The following PNPLA7 variants were observed in gnomAD, a reference collection of about 807,000 sequenced individuals.
PNPLA7 encodes patatin-like phospholipase domain-containing protein 7.
A neutral mutation model predicts 161.7 loss-of-function variants in PNPLA7; 153 were observed. That is an observed-to-expected ratio of 0.95 (90% CI 0.83 to 1.08). The LOEUF is 1.08. Among genes scored for constraint, PNPLA7 ranks in the 50% least tolerant of loss-of-function variants. The pLI is 0.00. For missense variants in PNPLA7, 1,739 were observed against 1,856.6 expected (o/e 0.94, Z 1.16); for synonymous variants, 809 against 782.1 (o/e 1.03, Z -0.57).
At chr9:137,503,211 G>C (rs151014819) in intron 14 of PNPLA7, among the ~76,000 whole-genome samples, 7 of 151,772 alleles carry the variant, frequency 4.6e-5, no homozygotes, top group Non-Finnish European at 8.8e-5. Context: ...GCAAAACCCC[G>C]TCTACACTAA....
intron 13 of PNPLA7, 21 bp from the exon 14 acceptor site, chr9:137,505,781 C>T (rs750735757): frequency 1.9e-5 from 30 of 1,612,076 alleles, no homozygotes; most frequent in Admixed American, 5.0e-5. Flanking sequence ...ACGGAGATAC[C>T]GGCAATTCGA....
At chr9:137,491,743 A>G (rs1421992612) in intron 20 of PNPLA7, 7 of 985,314 alleles carry the variant, frequency 7.1e-6, no homozygotes, top group South Asian at 4.7e-5. Flanking sequence ...TCTTGGACAG[A>G]CGTTCAATGC....
In PNPLA7 at chr9:137,543,770, G is replaced by C. The variant is rs1252455877; in HGVS notation, c.319C>G (p.Arg107Gly). 1 of 1,613,760 alleles carries C rather than the reference G, an allele frequency of 6.2e-7. No individual in the cohort carries two copies. Among genetic ancestry groups the C allele is most frequent in the Non-Finnish European group, 8.5e-7 (1 of 1,179,924 alleles). The change falls in exon 5 of 35, where the codon CGG becomes GGG. Residue 107 changes from arginine to glycine, a missense_variant. Transcript: ENST00000406427. The surrounding 1 kb of genome is among the most constrained non-coding windows in gnomAD (Gnocchi z 6.9). ...NTLVENTALP[R>G]QRARKRTKVL... ...TTGGTCCTCTTCCTGGCCCGCTGCC[G>C]GGGCAGGGCAGTGTTCTCCACAAGG...
chr9:137,500,902 A>AC lies in PNPLA7; in HGVS notation c.1552-7dup. On this transcript the variant is annotated splice_polypyrimidine_tract_variant and splice_region_variant and intron_variant, in intron 15 of 34. Coordinates refer to ENST00000406427, the MANE Select transcript of PNPLA7 (RefSeq NM_001098537.3). This position sits in a 1 kb window ranked among gnomAD's most constrained non-coding sequence, Gnocchi z 5.5. ...ACGAACAGGATGCTGGCGTCCTGAC[A>AC]CACGAGAGGGCTCAGGAGGCGCCGC... 6.4e-7 allele frequency: 1 copy of AC among 1,560,858 alleles called. No individual in the cohort carries two copies. Among genetic ancestry groups the AC allele is most frequent in the Admixed American group, 1.9e-5 (1 of 52,216 alleles).
At chr9:137,494,442 TC>T (rs962094169) in intron 19 of PNPLA7, among the ~76,000 whole-genome samples, 6 of 152,036 alleles carry the variant, frequency 3.9e-5, no homozygotes, top group Non-Finnish European at 7.4e-5. Context: ...AATCTTCACC[TC>T]CTCCAGGTCG....
At chr9:137,492,672 T>G (rs1588590875) in intron 20 of PNPLA7, among the ~76,000 whole-genome samples, 1 of 42,124 alleles carries the variant, frequency 2.4e-5, no homozygotes, top group Non-Finnish European at 4.6e-5. Flanking sequence ...ATGGTCTGGG[T>G]GGGTGAGGCT....
chr9:137,530,819 C>A (rs1461894197), intron 8 of PNPLA7, among the ~76,000 whole-genome samples: 1 of 151,916 alleles, frequency 6.6e-6, no homozygotes, highest in Admixed American at 6.6e-5. Context: ...ACCAGGCTCA[C>A]GGCTGCTGCT....
chr9:137,528,791 C>T (rs1436258145), intron 8 of PNPLA7, among the ~76,000 whole-genome samples: 1 of 151,850 alleles, frequency 6.6e-6, no homozygotes, highest in Admixed American at 6.6e-5. Flanking sequence ...AACTCTGCCT[C>T]CCGGGTTCAC....
At chr9:137,521,488 A>G in intron 10 of PNPLA7, 148 bp downstream of exon 10, 1 of 708,872 alleles carries the variant, frequency 1.4e-6, no homozygotes, top group Admixed American at 3.1e-5. Flanking sequence ...AGCCCCTCCC[A>G]AAGTCCTAAT....
chr9:137,550,030 C>T (rs909355560), intron 1 of PNPLA7, 138 bp downstream of exon 1: 1 of 998,306 alleles, frequency 1.0e-6, no homozygotes, highest in Non-Finnish European at 1.6e-6. Context: ...CCAGATCCAC[C>T]ACTCCCACAG....
rs1833896924 is a variant in PNPLA7 at position 137,505,963 on chromosome 9, G to C, written c.1326+20C>G. ...GGGTGGGGCCCCAGGCGGAGGGTGA[G>C]AATGACAGCCAGGGCCTACCTTGCT... On this transcript the variant is annotated intron_variant, in intron 13 of 34. Coordinates refer to ENST00000406427, the MANE Select transcript of PNPLA7 (RefSeq NM_001098537.3). 3 of 1,596,498 alleles carry C rather than the reference G, an allele frequency of 1.9e-6. No homozygotes were observed. The highest frequency in any genetic ancestry group is 2.3e-5 in the East Asian group (1 of 44,284).
At chr9:137,493,984 GGAGAAGC>G (rs1564308187) in intron 19 of PNPLA7, among the ~76,000 whole-genome samples, 1 of 152,310 alleles carries the variant, frequency 6.6e-6, no homozygotes, top group Non-Finnish European at 1.5e-5. Context: ...GCTTTGAGTG[GGAGAAGC>G]GCTACCTGAG....
At chr9:137,507,975 T>G (rs1381247661) in intron 12 of PNPLA7, among the ~76,000 whole-genome samples, 1 of 152,008 alleles carries the variant, frequency 6.6e-6, no homozygotes, top group Non-Finnish European at 1.5e-5. Flanking sequence ...GAGGCAGCGC[T>G]TGAGGCCAGG....
At chr9:137,473,573 G>C (rs149858822) in intron 25 of PNPLA7, among the ~76,000 whole-genome samples, 1 of 152,112 alleles carries the variant, frequency 6.6e-6, no homozygotes, top group Non-Finnish European at 1.5e-5. Flanking sequence ...CAAAAGACTC[G>C]TGTTCAGAAT....
chr9:137,492,324 T>A (rs1228007290), intron 20 of PNPLA7: 1 of 984,714 alleles, frequency 1.0e-6, no homozygotes, highest in African/African-American at 1.8e-5. Context: ...CTTTTTCCAA[T>A]CAGCTGACAA....
rs1325578592 is a variant in PNPLA7 at position 137,461,565 on chromosome 9, A to G, written c.3812T>C (p.Ile1271Thr). ...FTDLAEIVSR[I>T]EPAKPAMVDD... Reference sequence around the variant, plus strand: ...CACCATGGCGGGCTTGGCGGGCTCAATGCGAGACACAATTTCGGCAAGGTC... The same window carrying G: ...CACCATGGCGGGCTTGGCGGGCTCAGTGCGAGACACAATTTCGGCAAGGTC... The change falls in exon 33 of 35, where the codon ATT becomes ACT. Residue 1271 changes from isoleucine (I) to threonine (T), a missense_variant. Transcript: ENST00000406427. 5.0e-6 allele frequency: 8 copies of G among 1,612,650 alleles called. No homozygotes were observed. Among genetic ancestry groups the G allele is most frequent in the South Asian group, 1.1e-5 (1 of 91,022 alleles).
rs1048032659 is a variant in PNPLA7, at chr9:137,537,257, G to A, written c.747+3385C>T. Reference sequence around the variant, plus strand: ...ACACAAAAGTTTGATGAGGAAAAACGATGTCACGGCAGATGATCAACTGAT... The same window carrying A: ...ACACAAAAGTTTGATGAGGAAAAACAATGTCACGGCAGATGATCAACTGAT... On this transcript the variant is annotated intron_variant, in intron 8 of 34. Coordinates refer to ENST00000406427, the MANE Select transcript of PNPLA7 (RefSeq NM_001098537.3). The surrounding 1 kb of genome is among the most constrained non-coding windows in gnomAD (Gnocchi z 4.5). 2.6e-5 allele frequency among the ~76,000 whole-genome samples: 4 copies of A among 152,150 alleles called. No homozygotes were observed. The highest frequency in any genetic ancestry group is 9.7e-5 in the African/African-American group (4 of 41,412).
rs528521753 is a variant in PNPLA7 at position 137,478,333 on chromosome 9, C to T, written c.2764-181G>A. 2.3e-5 allele frequency: 10 copies of T among 425,846 alleles called. No homozygotes were observed. In the South Asian group the frequency reaches 5.9e-4, roughly 25 times the overall value. 26.4% of individuals were successfully genotyped at this position (425,846 alleles called of 1,614,324 possible). A position where few individuals can be genotyped will look rare whatever the true frequency, so the allele number is the denominator to read the frequency against. Reference sequence around the variant, plus strand: ...TCAGCACCTCAGTGCCCGGACCGGGCCCCAGAGACAGCTCAGCTACTGGGG... The same window carrying T: ...TCAGCACCTCAGTGCCCGGACCGGGTCCCAGAGACAGCTCAGCTACTGGGG... On this transcript the variant is annotated intron_variant, in intron 24 of 34. Coordinates refer to ENST00000406427, the MANE Select transcript of PNPLA7 (RefSeq NM_001098537.3).
chr9:137,463,525 A>C lies in PNPLA7; in HGVS notation c.3233T>G (p.Leu1078Arg), dbSNP rs771638738. The C allele has an allele frequency of 7.0e-6, 11 of 1,578,396 alleles. No homozygotes were observed. The highest frequency in any genetic ancestry group is 9.5e-6 in the Non-Finnish European group (11 of 1,162,326). Residue 1078 changes from leucine to arginine, a missense_variant, in exon 29 of 35, where the codon CTG (leucine) becomes CGG (arginine). Leu to Arg is a moderately radical substitution (Grantham distance 102). This residue lies in a region of PNPLA7 where 703 missense variants were observed against 694.6 expected (regional missense o/e 1.01). Coordinates refer to ENST00000406427, the MANE Select transcript of PNPLA7 (RefSeq NM_001098537.3). ...SAMRVHTDGS[L>R]WWYVRASMSL... ...CATGCTGGCACGCACGTACCACCACAGGGAGCCTGGGGAGGGGGCCCGGAG... is the reference window on the plus strand; with the variant it reads ...CATGCTGGCACGCACGTACCACCACCGGGAGCCTGGGGAGGGGGCCCGGAG...
Sources: gnomAD v4.1 joint callset for allele counts (sites outside exome capture counted in the v4.1 genomes callset) on GRCh38, gnomAD v4.1.1 for gene constraint, gnomAD v4.1.1 regional missense constraint, Gnocchi (gnomAD v3.1) non-coding constraint, MANE v1.5 for transcripts, NCBI Gene and HGNC (gene_info 2026-07-23, HGNC 2026-07-21) for gene names.